C1GALT1C1L: variants seen among roughly 807,000 people sequenced by gnomAD.
The protein encoded by C1GALT1C1L is C1GALT1-specific chaperone 1-like protein.
A neutral mutation model predicts 0.5 loss-of-function variants in C1GALT1C1L; 1 was observed. The observed-to-expected ratio is 2.11, with a 90% confidence interval of 0.75 to 10.02. C1GALT1C1L has a LOEUF of 10.02. Among genes scored for constraint, C1GALT1C1L ranks in the 30% most tolerant of loss-of-function variants. C1GALT1C1L has a pLI of 0.13. For missense variants in C1GALT1C1L, 444 were observed against 375.5 expected, an observed-to-expected ratio of 1.18 and a Z score of -1.51; for synonymous variants, 148 against 132.6, an observed-to-expected ratio of 1.12 and a Z score of -0.80.
chr2:43,676,019 C>G lies in C1GALT1C1L; in HGVS notation c.304G>C (p.Asp102His), dbSNP rs984291290. 3 of 1,614,004 alleles carry G rather than the reference C, an allele frequency of 1.9e-6. No homozygotes were observed. ...TTGAACAAATTATCATTTTTAGTAT[C>G]GTAGAGCTCTGCTTTGTCACAGTGT... ...TKHCDKAELY[D>H]TKNDNLFNIE... Residue 102 changes from aspartate to histidine, a missense_variant, in exon 1 of 1, where the codon GAT (aspartate) becomes CAT (histidine). Coordinates refer to ENST00000475092, the MANE Select transcript of C1GALT1C1L (RefSeq NM_001101330.3).
In C1GALT1C1L at chr2:43,675,952, T is replaced by G. The variant is rs1558461776; in HGVS notation, c.371A>C (p.Tyr124Ser). Residue 124 changes from tyrosine (Y) to serine (S), a missense_variant, in exon 1 of 1, where the codon TAC becomes TCC. Coordinates refer to ENST00000475092, the MANE Select transcript of C1GALT1C1L (RefSeq NM_001101330.3). Reference sequence around the variant, plus strand: ...ACCATACTTTTCAAAGACGTATTTGTAAGCGGTCCTCATCTGTACCCACCT... The same window carrying G: ...ACCATACTTTTCAAAGACGTATTTGGAAGCGGTCCTCATCTGTACCCACCT... The part of the protein sequence containing the change: ...NDRWVQMRTA[Y>S]KYVFEKYGDN... The G allele has an allele frequency of 2.5e-6, 4 of 1,614,032 alleles. No individual in the cohort carries two copies. Among genetic ancestry groups the G allele is most frequent in the African/African-American group, 1.3e-5 (1 of 75,062 alleles).
chr2:43,675,844 T>TC, the C1GALT1C1L span: 3 of 1,614,000 alleles, frequency 1.9e-6, no homozygotes, highest in South Asian at 3.3e-5. Flanking sequence ...CTGGGATGCA[T>TC]CCCTTGTAAA....
At position 43,675,346 on chromosome 2, in the gene C1GALT1C1L, GAC is replaced by G; in HGVS notation, c.*27_*28del. 1 of 1,479,158 alleles carries G rather than the reference GAC, an allele frequency of 6.8e-7. No homozygotes were observed. 91.6% of individuals were successfully genotyped at this position (1,479,158 alleles called of 1,614,324 possible). A position where few individuals can be genotyped will look rare whatever the true frequency, so the allele number is the denominator to read the frequency against. On this transcript the variant is annotated 3_prime_UTR_variant, in exon 1 of 1. Coordinates refer to ENST00000475092, the MANE Select transcript of C1GALT1C1L (RefSeq NM_001101330.3). ...ACTAGCCACATTTCAAGTGCTCTTG[GAC>G]AGCACAGGTCTATTATTCTCCAGGC...
chr2:43,675,307 G>A lies in C1GALT1C1L; in HGVS notation c.*68C>T. 3 of 1,037,472 alleles carry A rather than the reference G, an allele frequency of 2.9e-6. No individual in the cohort carries two copies. The highest frequency in any genetic ancestry group is 2.3e-4 in the Middle Eastern group (1 of 4,444). 64.3% of individuals were successfully genotyped at this position (1,037,472 alleles called of 1,614,324 possible). A position where few individuals can be genotyped will look rare whatever the true frequency, so the allele number is the denominator to read the frequency against. On this transcript the variant is annotated 3_prime_UTR_variant, in exon 1 of 1. Transcript: ENST00000475092. ...GAAGTACGTATTTTACACTTACACT[G>A]TATCAGAATTTGGACTAGCCACATT...
At position 43,675,208 on chromosome 2, in the gene C1GALT1C1L, G is replaced by A. The variant is rs1558459240; in HGVS notation, c.*167C>T. ...AATATCCAAAACATTATTTCAATGT[G>A]GAGTCAATATGAAATATTACTGAGA... is the stretch of plus-strand genomic sequence containing the variant. On this transcript the variant is annotated 3_prime_UTR_variant, in exon 1 of 1. Coordinates refer to ENST00000475092, the MANE Select transcript of C1GALT1C1L (RefSeq NM_001101330.3). The A allele has an allele frequency of 1.3e-5, 6 of 449,534 alleles. No homozygotes were observed. Among genetic ancestry groups the A allele is most frequent in the Non-Finnish European group, 1.9e-5 (5 of 258,178 alleles). The allele number at this position is 449,534 out of a possible 1,614,324, so 27.8% of individuals were successfully genotyped here.
chr2:43,675,217 A>G lies in C1GALT1C1L; in HGVS notation c.*158T>C, dbSNP rs534957393. On this transcript the variant is annotated 3_prime_UTR_variant, in exon 1 of 1. Coordinates refer to ENST00000475092, the MANE Select transcript of C1GALT1C1L (RefSeq NM_001101330.3). ...AACATTATTTCAATGTGGAGTCAAT[A>G]TGAAATATTACTGAGATGTTTTACA... 1 of 466,418 alleles carries G rather than the reference A, an allele frequency of 2.1e-6. No homozygotes were observed. Among genetic ancestry groups the G allele is most frequent in the South Asian group, 6.7e-5 (1 of 14,990 alleles). 28.9% of individuals were successfully genotyped at this position (466,418 alleles called of 1,614,324 possible).
chr2:43,676,425 A>G lies in C1GALT1C1L; in HGVS notation c.-103T>C, dbSNP rs1237242552. On this transcript the variant is annotated 5_prime_UTR_variant, in exon 1 of 1. Transcript: ENST00000475092. Reference sequence around the variant, plus strand: ...TGGCGGCTGCGCTCCCGGTTGGGCCACTCTAGCTGCGGGAGGTCGCTTCTC... The same window carrying G: ...TGGCGGCTGCGCTCCCGGTTGGGCCGCTCTAGCTGCGGGAGGTCGCTTCTC... 1.1e-5 allele frequency: 9 copies of G among 830,192 alleles called. No individual in the cohort carries two copies. In the East Asian group the frequency reaches 2.4e-4, roughly 22 times the overall value. 51.4% of individuals were successfully genotyped at this position (830,192 alleles called of 1,614,324 possible). A position where few individuals can be genotyped will look rare whatever the true frequency, so the allele number is the denominator to read the frequency against.
In C1GALT1C1L at chr2:43,675,578, C is replaced by A. The variant is rs369389345; in HGVS notation, c.745G>T (p.Ala249Ser). The A allele has an allele frequency of 6.2e-7, 1 of 1,613,452 alleles. No homozygotes were observed. Among genetic ancestry groups the A allele is most frequent in the African/African-American group, 1.3e-5 (1 of 75,026 alleles). ...GRDVFNTKPI[A>S]QLIEEALSNN... ...GACAATGCCTCTTCAATAAGCTGTG[C>A]GATTGGTTTTGTATTAAATACATCT... The change falls in exon 1 of 1, where the codon GCA (alanine) becomes TCA (serine). Residue 249 changes from alanine (A) to serine (S), a missense_variant. Transcript: ENST00000475092.
chr2:43,675,592 T>C lies in C1GALT1C1L; in HGVS notation c.731A>G (p.Asn244Ser). 1 of 1,613,752 alleles carries C rather than the reference T, an allele frequency of 6.2e-7. No individual in the cohort carries two copies. The highest frequency in any genetic ancestry group is 2.2e-5 in the East Asian group (1 of 44,892). Reference sequence around the variant, plus strand: ...AATAAGCTGTGCGATTGGTTTTGTATTAAATACATCTCTTCCTTCATAATC... The same window carrying C: ...AATAAGCTGTGCGATTGGTTTTGTACTAAATACATCTCTTCCTTCATAATC... ...AEDYEGRDVF[N>S]TKPIAQLIEE... Residue 244 changes from asparagine (N) to serine (S), a missense_variant, in exon 1 of 1, where the codon AAT (asparagine) becomes AGT (serine). Physicochemically the swap from Asn to Ser is conservative, Grantham distance 46. Coordinates refer to ENST00000475092, the MANE Select transcript of C1GALT1C1L (RefSeq NM_001101330.3).
Position 43,676,371 on chromosome 2 carries a change from G to T in C1GALT1C1L, c.-49C>A, listed in dbSNP as rs762698083. 5.6e-6 allele frequency: 8 copies of T among 1,439,970 alleles called. No homozygotes were observed. In the South Asian group the frequency reaches 1.1e-4, roughly 20 times the overall value. The allele number at this position is 1,439,970 out of a possible 1,614,324, so 89.2% of individuals were successfully genotyped here. On this transcript the variant is annotated 5_prime_UTR_variant, in exon 1 of 1. Coordinates refer to ENST00000475092, the MANE Select transcript of C1GALT1C1L (RefSeq NM_001101330.3). ...CCAGGGTCAAAGGCAGCCTGGGACC[G>T]GGTCCTGGGGTCCCGCGCCTTCCGG...
Position 43,675,824 on chromosome 2 carries a change from G to C in C1GALT1C1L, c.499C>G (p.Leu167Val), listed in dbSNP as rs144971217. The C allele has an allele frequency of 1.9e-6, 3 of 1,613,968 alleles. No homozygotes were observed. The highest frequency in any genetic ancestry group is 2.2e-5 in the East Asian group (1 of 44,862). The change falls in exon 1 of 1, where the codon CTG (leucine) becomes GTG (valine). Residue 167 changes from leucine (L) to valine (V), a missense_variant. Leu to Val is a conservative substitution (Grantham distance 32). Transcript: ENST00000475092. ...FTRDASQPFYLGHTVIFGDLE... is the reference protein window; with the variant it reads ...FTRDASQPFYVGHTVIFGDLE... The stretch of plus-strand genomic sequence containing the variant: ...TCTCCAAATATAACAGTGTGGCCCA[G>C]ATAGAAGGGCTGGGATGCATCCCTT...
chr2:43,675,970 A>T lies in C1GALT1C1L; in HGVS notation c.353T>A (p.Val118Glu). The change falls in exon 1 of 1, where the codon GTA becomes GAA. Residue 118 changes from valine to glutamate, a missense_variant. Transcript: ENST00000475092. ...LFNIESNDRW[V>E]QMRTAYKYVF... The stretch of plus-strand genomic sequence containing the variant: ...GTATTTGTAAGCGGTCCTCATCTGT[A>T]CCCACCTGTCATTACTTTCTATATT... The T allele has an allele frequency of 6.2e-7, 1 of 1,613,960 alleles. No homozygotes were observed. The highest frequency in any genetic ancestry group is 8.5e-7 in the Non-Finnish European group (1 of 1,179,884).
Position 43,675,740 on chromosome 2 carries a change from G to C in C1GALT1C1L, c.583C>G (p.Leu195Val). 1 of 1,613,816 alleles carries C rather than the reference G, an allele frequency of 6.2e-7. No homozygotes were observed. The highest frequency in any genetic ancestry group is 1.3e-5 in the African/African-American group (1 of 75,016). Residue 195 changes from leucine (L) to valine (V), a missense_variant, in exon 1 of 1, where the codon CTT becomes GTT. Coordinates refer to ENST00000475092, the MANE Select transcript of C1GALT1C1L (RefSeq NM_001101330.3). ...IVLSRELMKR[L>V]NRLLDNSETC... ...TCAGAGTTATCGAGAAGTCTGTTAA[G>C]TCTTTTCATCAACTCTCTGCTTAAG... is the stretch of plus-strand genomic sequence containing the variant.
At position 43,676,080 on chromosome 2, in the gene C1GALT1C1L, C is replaced by G; in HGVS notation, c.243G>C (p.Glu81Asp). The change falls in exon 1 of 1, where the codon GAG becomes GAC. Residue 81 changes from glutamate (E) to aspartate (D), a missense_variant. Physicochemically the swap from Glu to Asp is conservative, Grantham distance 45 (BLOSUM62 2). Transcript: ENST00000475092. ...TCTCTTTCAGTACAGCCCAGTAACT[C>G]TCATCTTCGGATTCTCCAAAGATGA... ...FCIIFGESED[E>D]SYWAVLKETW... The G allele has an allele frequency of 6.2e-7, 1 of 1,613,830 alleles. No individual in the cohort carries two copies. Among genetic ancestry groups the G allele is most frequent in the Non-Finnish European group, 8.5e-7 (1 of 1,179,812 alleles).
At chr2:43,676,292 TA>T in the C1GALT1C1L span, 1 of 1,611,534 alleles carries the variant, frequency 6.2e-7, no homozygotes, top group Non-Finnish European at 8.5e-7. Flanking sequence ...AACATACCCT[TA>T]AAAAATGATG....
chr2:43,676,327 C>T lies in C1GALT1C1L; in HGVS notation c.-5G>A, dbSNP rs781379789. ...TGTCCCACTAGCGGAAACCATTTTC[C>T]AGGCGTTAGGACAGTGTGCCAGGGT... On this transcript the variant is annotated 5_prime_UTR_variant, in exon 1 of 1. Coordinates refer to ENST00000475092, the MANE Select transcript of C1GALT1C1L (RefSeq NM_001101330.3). The T allele has an allele frequency of 1.3e-6, 2 of 1,597,518 alleles. No homozygotes were observed. The highest frequency in any genetic ancestry group is 2.7e-5 in the African/African-American group (2 of 74,632).
At chr2:43,675,454 AG>A in the C1GALT1C1L span, 3 of 1,613,524 alleles carry the variant, frequency 1.9e-6, no homozygotes, top group Non-Finnish European at 2.5e-6. Context: ...GAGCCGGTAC[AG>A]GCCATACATC....
Position 43,676,041 on chromosome 2 carries a change from G to A in C1GALT1C1L, c.282C>T (p.His94=). 6.2e-7 allele frequency: 1 copy of A among 1,613,996 alleles called. No individual in the cohort carries two copies. Among genetic ancestry groups the A allele is most frequent in the Non-Finnish European group, 8.5e-7 (1 of 1,179,902 alleles). The change falls in exon 1 of 1, where the codon CAC becomes CAT. Residue 94 remains histidine, a synonymous_variant. Transcript: ENST00000475092. ...WAVLKETWTK[H]CDKAELYDTK... is the part of the protein sequence containing the mutation. ...TATCGTAGAGCTCTGCTTTGTCACA[G>A]TGTTTGGTCCAGGTCTCTTTCAGTA...
Position 43,675,494 on chromosome 2 carries a change from C to T in C1GALT1C1L, c.829G>A (p.Gly277Arg). The T allele has an allele frequency of 6.2e-7, 1 of 1,613,962 alleles. No individual in the cohort carries two copies. The highest frequency in any genetic ancestry group is 8.5e-7 in the Non-Finnish European group (1 of 1,179,880). The change falls in exon 1 of 1, where the codon GGA becomes AGA. Residue 277 changes from glycine to arginine, a missense_variant. Coordinates refer to ENST00000475092, the MANE Select transcript of C1GALT1C1L (RefSeq NM_001101330.3). ...CCSDMAITFN[G>R]LTPQKMEVMM... is the part of the protein sequence containing the mutation. The stretch of plus-strand genomic sequence containing the variant: ...ACTTCCATCTTTTGGGGGGTCAGTC[C>T]ATTGAAAGTAATAGCCATATCTGAA...
Sources: gnomAD v4.1 joint callset for allele counts on GRCh38, gnomAD v4.1.1 for gene constraint, MANE v1.5 for transcripts, NCBI Gene and HGNC (gene_info 2026-07-23, HGNC 2026-07-21) for gene names.